The following GRM7 variants were observed in gnomAD, a reference collection of about 807,000 sequenced individuals.
GRM7 encodes glutamate metabotropic receptor 7, also known as metabotropic glutamate receptor 7.
GRM7 carries 35 observed loss-of-function variants against 84.5 expected under a neutral mutation model. The ratio of observed to expected loss-of-function variants is 0.41; its 90% CI spans 0.32 to 0.55. The LOEUF is 0.55. Ranked by LOEUF, GRM7 falls within the 20% of genes least tolerant of loss-of-function variation. The pLI, the probability that GRM7 is intolerant of heterozygous loss-of-function variation, is 0.19. For synonymous variants in GRM7, 487 were observed against 455.1 expected (o/e 1.07, Z -0.89); for missense variants, 1,003 against 1,194.6 (o/e 0.84, Z 2.36).
chr3:7,300,310 A>T (rs1467514260), intron 3 of GRM7, among the ~76,000 whole-genome samples: 1 of 152,160 alleles, frequency 6.6e-6, no homozygotes, highest in Non-Finnish European at 1.5e-5. Context: ...TGCTTTGTGT[A>T]TCCTAGACAC....
At chr3:7,155,653 C>A (rs909618152) in intron 2 of GRM7, among the ~76,000 whole-genome samples, 2 of 152,186 alleles carry the variant, frequency 1.3e-5, no homozygotes, top group Non-Finnish European at 2.9e-5. Flanking sequence ...CTCTTTGAGA[C>A]CTGCACAAAG....
chr3:7,143,017 T>A (rs1263362774), intron 1 of GRM7, among the ~76,000 whole-genome samples: 1 of 152,186 alleles, frequency 6.6e-6, no homozygotes, highest in East Asian at 1.9e-4. Context: ...TCTCTCTTTT[T>A]ATATAGCTGC....
intron 4 of GRM7, among the ~76,000 whole-genome samples, chr3:7,402,034 T>G (rs1695475030): frequency 7.9e-5 from 12 of 152,198 alleles, no homozygotes; most frequent in Admixed American, 7.9e-4. Flanking sequence ...AATGTAAGAC[T>G]CTTTTCTCCC....
At chr3:7,156,202 T>G (rs1208065249) in intron 2 of GRM7, among the ~76,000 whole-genome samples, 2 of 152,144 alleles carry the variant, frequency 1.3e-5, no homozygotes, top group Admixed American at 1.3e-4. Flanking sequence ...GAGTAGAGTC[T>G]CGATCACAGG....
At chr3:7,289,237 A>G (rs1487561249) in intron 2 of GRM7, among the ~76,000 whole-genome samples, 1 of 152,180 alleles carries the variant, frequency 6.6e-6, no homozygotes, top group East Asian at 1.9e-4. Flanking sequence ...GGAAAGGAAC[A>G]GCTTGCTTTG....
At chr3:7,579,798 C>T (rs1273980176) in intron 8 of GRM7, among the ~76,000 whole-genome samples, 2 of 152,204 alleles carry the variant, frequency 1.3e-5, no homozygotes, top group Non-Finnish European at 1.5e-5. Context: ...TTCCAAGTGG[C>T]TACCTAGGCT....
chr3:7,071,085 C>G (rs1697862554), intron 1 of GRM7, among the ~76,000 whole-genome samples: 1 of 152,080 alleles, frequency 6.6e-6, no homozygotes, highest in African/African-American at 2.4e-5. Flanking sequence ...GCCTCCCTTT[C>G]TGAGGTGAAC....
At chr3:7,395,976 C>T (rs544347671) in intron 4 of GRM7, among the ~76,000 whole-genome samples, 6 of 152,154 alleles carry the variant, frequency 3.9e-5, no homozygotes, top group Admixed American at 2.0e-4. Flanking sequence ...CCTGATCTGA[C>T]AATTATATAT....
chr3:7,011,280 A>G (rs535765165), intron 1 of GRM7, among the ~76,000 whole-genome samples: 1 of 152,270 alleles, frequency 6.6e-6, no homozygotes, highest in African/African-American at 2.4e-5. Flanking sequence ...TAATGTAGAC[A>G]TAAGTGGAAA....
chr3:6,861,518 C>A lies in GRM7; in HGVS notation c.130C>A (p.Arg44=). 6.3e-7 allele frequency: 1 copy of A among 1,577,418 alleles called. No individual in the cohort carries two copies. Among genetic ancestry groups the A allele is most frequent in the Non-Finnish European group, 8.6e-7 (1 of 1,163,042 alleles). ...GGAGATGTACGCCCCGCACTCAATC[C>A]GGATCGAGGGGGACGTCACCCTCGG... ...GQEMYAPHSI[R]IEGDVTLGGL... The change falls in exon 1 of 10, where the codon CGG becomes AGG. Residue 44 remains arginine, a synonymous_variant. Coordinates refer to ENST00000357716, the MANE Select transcript of GRM7 (RefSeq NM_000844.4). The surrounding 1 kb of genome is among the most constrained non-coding windows in gnomAD (Gnocchi z 6.4).
intron 2 of GRM7, 45 bp from the exon 3 acceptor site, chr3:7,298,639 C>A: frequency 1.3e-6 from 2 of 1,564,494 alleles, no homozygotes; most frequent in Non-Finnish European, 8.8e-7. Flanking sequence ...CCTTTGACAT[C>A]TCTGTGGAAA....
At chr3:7,636,046 ATATGT>A (rs1399888960) in intron 8 of GRM7, among the ~76,000 whole-genome samples, 4 of 152,198 alleles carry the variant, frequency 2.6e-5, no homozygotes, top group Non-Finnish European at 4.4e-5. Flanking sequence ...CACTTTGAAA[ATATGT>A]TATATTATCA....
chr3:7,369,298 A>G (rs1694038170), intron 4 of GRM7, among the ~76,000 whole-genome samples: 1 of 152,112 alleles, frequency 6.6e-6, no homozygotes, highest in Admixed American at 6.6e-5. Flanking sequence ...AAGCGATCCT[A>G]AAGAGATGAC....
At chr3:7,226,624 C>T (rs1376415773) in intron 2 of GRM7, among the ~76,000 whole-genome samples, 1 of 152,142 alleles carries the variant, frequency 6.6e-6, no homozygotes, top group Non-Finnish European at 1.5e-5. Flanking sequence ...AGAGATTATA[C>T]TATGGTGGGA....
At chr3:7,621,856 T>C (rs990091009) in intron 8 of GRM7, among the ~76,000 whole-genome samples, 1 of 152,148 alleles carries the variant, frequency 6.6e-6, no homozygotes, top group African/African-American at 2.4e-5. Flanking sequence ...TTTGACATCA[T>C]TGAAAGCCTG....
At chr3:7,433,178 T>C (rs1696900326) in intron 5 of GRM7, among the ~76,000 whole-genome samples, 3 of 152,238 alleles carry the variant, frequency 2.0e-5, no homozygotes, top group African/African-American at 7.2e-5. Context: ...TTCACTGGAA[T>C]CATTTTTATG....
At chr3:7,060,096 T>A (rs2324052) in intron 1 of GRM7, among the ~76,000 whole-genome samples, 36,295 of 151,532 alleles carry the variant, frequency 0.24, 4,684 homozygotes, top group African/African-American at 0.34. Context: ...GATAGACCGA[T>A]TTTTCTTTGG....
At chr3:7,267,394 T>G (rs1698682305) in intron 2 of GRM7, among the ~76,000 whole-genome samples, 1 of 152,230 alleles carries the variant, frequency 6.6e-6, no homozygotes, top group Non-Finnish European at 1.5e-5. Flanking sequence ...GAAACTGTTG[T>G]TTTATTGGAA....
rs188642926 is a variant in GRM7 at position 7,239,280 on chromosome 3, C to T, written c.737-59404C>T. On this transcript the variant is annotated intron_variant, in intron 2 of 9. Coordinates refer to ENST00000357716, the MANE Select transcript of GRM7 (RefSeq NM_000844.4). Reference sequence around the variant, plus strand: ...CTTCCCAAAGTGCTAGGTTTATATACGTGAGCCACTGAGCCCAGTCTAACA... The same window carrying T: ...CTTCCCAAAGTGCTAGGTTTATATATGTGAGCCACTGAGCCCAGTCTAACA... 3.7e-3 allele frequency among the ~76,000 whole-genome samples: 564 copies of T among 152,210 alleles called. 5 individuals carry two copies. Among genetic ancestry groups the T allele is most frequent in the Non-Finnish European group, 5.9e-3 (399 of 68,008 alleles).
Sources: allele counts gnomAD v4.1 joint callset (sites outside exome capture counted in the v4.1 genomes callset), GRCh38; gene constraint gnomAD v4.1.1; non-coding constraint Gnocchi (gnomAD v3.1); transcripts MANE v1.5; gene names NCBI Gene and HGNC (gene_info 2026-07-23, HGNC 2026-07-21).